Variants in ADCY8 observed in about 807,000 individuals in gnomAD.
ADCY8 encodes adenylate cyclase 8, also known as adenylate cyclase type 8.
In ADCY8, 51 loss-of-function variants were observed where a neutral mutation model predicts 119.7. That is an observed-to-expected ratio of 0.43 (90% confidence interval 0.34 to 0.54). ADCY8 has a LOEUF of 0.54. Ranked by LOEUF, ADCY8 falls within the 20% of genes least tolerant of loss-of-function variation. The probability of loss-of-function intolerance (pLI) is 0.03; values close to 1 mark genes in which losing one functional copy is unlikely to be tolerated. For missense variants in ADCY8, 1,383 were observed against 1,598.8 expected (o/e 0.87, Z 2.30); for synonymous variants, 665 against 651.0 (o/e 1.02, Z -0.33).
In ADCY8 at chr8:131,040,109, G is replaced by A; in HGVS notation, c.225C>T (p.Gly75=). 1 of 1,526,066 alleles carries A rather than the reference G, an allele frequency of 6.6e-7. No homozygotes were observed. The highest frequency in any genetic ancestry group is 8.7e-7 in the Non-Finnish European group (1 of 1,143,134). 94.5% of individuals were successfully genotyped at this position (1,526,066 alleles called of 1,614,324 possible). The change falls in exon 1 of 18, where the codon GGC becomes GGT. Residue 75 remains glycine (G), a synonymous_variant. Coordinates refer to ENST00000286355, the MANE Select transcript of ADCY8 (RefSeq NM_001115.3). Reference sequence around the variant, plus strand: ...ACAGCTGCGGCGCGTGGTGGTTGGGGCCGCCGCCCGCAGGGTCCGAGGCTT... The same window carrying A: ...ACAGCTGCGGCGCGTGGTGGTTGGGACCGCCGCCCGCAGGGTCCGAGGCTT... ...SGKASDPAGG[G]PNHHAPQLSG...
At chr8:130,970,538 T>C (rs1821893786) in intron 2 of ADCY8, among the ~76,000 whole-genome samples, 1 of 152,192 alleles carries the variant, frequency 6.6e-6, no homozygotes, top group Admixed American at 6.5e-5. Context: ...AATGTAATAA[T>C]AGAAATAAAG....
chr8:131,003,621 T>TCCAATAGCCAC (rs111385550), intron 1 of ADCY8, among the ~76,000 whole-genome samples: 5 of 151,634 alleles, frequency 3.3e-5, no homozygotes, highest in South Asian at 2.1e-4. Context: ...TTATGGACAG[T>TCCAATAGCCAC]CCTGCTTGGG....
chr8:130,875,066 T>G (rs1818510800), intron 8 of ADCY8, among the ~76,000 whole-genome samples: 1 of 152,214 alleles, frequency 6.6e-6, no homozygotes, highest in Non-Finnish European at 1.5e-5. Flanking sequence ...CTGAAAATGC[T>G]GGCTTTATGG....
rs1055329012 is a variant in ADCY8 at position 130,941,690 on chromosome 8, A to G, written c.1353+1661T>C. Among the ~76,000 whole-genome samples the G allele has an allele frequency of 2.0e-5, 3 of 152,090 alleles. No individual in the cohort carries two copies. In the South Asian group the frequency reaches 6.2e-4, roughly 32 times the overall value. ...TCAGTCTCCTAGCTAGTAGCTGTTC[A>G]GTAGCTGAAATTTATACTAAGGTTG... On this transcript the variant is annotated intron_variant, in intron 4 of 17. Coordinates refer to ENST00000286355, the MANE Select transcript of ADCY8 (RefSeq NM_001115.3).
chr8:130,805,314 G>A (rs1029591884), intron 14 of ADCY8, among the ~76,000 whole-genome samples: 10 of 152,152 alleles, frequency 6.6e-5, no homozygotes, highest in African/African-American at 2.2e-4. Context: ...TAGTTGTTAT[G>A]ACGTAGAGCT....
intron 4 of ADCY8, among the ~76,000 whole-genome samples, chr8:130,940,643 A>T (rs1265490549): frequency 2.0e-5 from 3 of 152,216 alleles, no homozygotes; most frequent in African/African-American, 7.2e-5. Context: ...TGACAGTAAT[A>T]TCTGAATAAC....
intron 1 of ADCY8, among the ~76,000 whole-genome samples, chr8:131,024,895 A>T (rs1205781060): frequency 6.6e-6 from 1 of 152,216 alleles, no homozygotes; most frequent in African/African-American, 2.4e-5. Flanking sequence ...GTGTTCTATA[A>T]GAATTGTCAT....
At chr8:130,882,655 G>C (rs965815) in intron 8 of ADCY8, among the ~76,000 whole-genome samples, 76,516 of 152,028 alleles carry the variant, frequency 0.5, 22,661 homozygotes, top group African/African-American at 0.83. Context: ...TCCATGTCAC[G>C]TTTCACCAAG....
chr8:130,802,407 A>C (rs956991191), intron 14 of ADCY8, among the ~76,000 whole-genome samples: 1 of 152,064 alleles, frequency 6.6e-6, no homozygotes, highest in African/African-American at 2.4e-5. Context: ...AGAGCCTTCT[A>C]CTGGGTTTCC....
intron 1 of ADCY8, among the ~76,000 whole-genome samples, chr8:131,007,625 G>A (rs148452929): frequency 2.0e-5 from 3 of 152,344 alleles, no homozygotes; most frequent in African/African-American, 4.8e-5. Context: ...AGATAAATGA[G>A]AGGTGTGCAG....
intron 15 of ADCY8, among the ~76,000 whole-genome samples, chr8:130,787,790 T>TGC (rs1563664157): frequency 6.6e-6 from 1 of 152,082 alleles, no homozygotes; most frequent in Non-Finnish European, 1.5e-5. Context: ...TGTGTGTGGG[T>TGC]GCACACACAC....
intron 5 of ADCY8, among the ~76,000 whole-genome samples, chr8:130,936,073 A>ATGTGTGTGTGTGTGTGTG (rs35028784): frequency 3.7e-4 from 55 of 147,176 alleles, no homozygotes; most frequent in East Asian, 2.4e-3. Flanking sequence ...AAGCACTGAC[A>ATGTGTGTGTGTGTGTGTG]TGTGTGTGTG....
At chr8:130,851,603 C>A (rs989727590) in intron 9 of ADCY8, among the ~76,000 whole-genome samples, 6 of 151,968 alleles carry the variant, frequency 3.9e-5, no homozygotes, top group Non-Finnish European at 5.9e-5. Context: ...GAAGAGGAAA[C>A]GTGTTCAGAA....
intron 11 of ADCY8, among the ~76,000 whole-genome samples, chr8:130,841,577 G>A (rs1167289483): frequency 6.6e-6 from 1 of 152,212 alleles, no homozygotes. Context: ...AATGCACCAT[G>A]AATTGCCTTG....
intron 12 of ADCY8, among the ~76,000 whole-genome samples, chr8:130,829,645 T>C (rs1213575523): frequency 6.6e-6 from 1 of 152,190 alleles, no homozygotes; most frequent in East Asian, 1.9e-4. Context: ...CTAAAAAGAA[T>C]AGTTGGTTGT....
At chr8:130,935,129 C>A (rs1050952143) in intron 5 of ADCY8, among the ~76,000 whole-genome samples, 1 of 152,186 alleles carries the variant, frequency 6.6e-6, no homozygotes, top group African/African-American at 2.4e-5. Context: ...ATGCCTTCTG[C>A]TGATGGAAAG....
chr8:130,827,279 C>T (rs1306728769), intron 12 of ADCY8, among the ~76,000 whole-genome samples: 1 of 152,176 alleles, frequency 6.6e-6, no homozygotes, highest in Non-Finnish European at 1.5e-5. Context: ...GCTGCAGACA[C>T]AGATGCTGGC....
At chr8:130,871,338 A>G (rs1049841544) in intron 8 of ADCY8, among the ~76,000 whole-genome samples, 9 of 152,154 alleles carry the variant, frequency 5.9e-5, no homozygotes, top group African/African-American at 2.2e-4. Context: ...GTGAGCATGA[A>G]CTAATCAAGA....
intron 1 of ADCY8, among the ~76,000 whole-genome samples, chr8:131,022,308 T>G (rs1449938072): frequency 6.6e-6 from 1 of 152,164 alleles, no homozygotes; most frequent in Non-Finnish European, 1.5e-5. Flanking sequence ...GTGTGTGATG[T>G]TACCCTCCCT....
Sources: allele counts gnomAD v4.1 joint callset (sites outside exome capture counted in the v4.1 genomes callset), GRCh38; gene constraint gnomAD v4.1.1; transcripts MANE v1.5; gene names NCBI Gene and HGNC (gene_info 2026-07-23, HGNC 2026-07-21).